IGSF11: variants seen among roughly 807,000 people sequenced by gnomAD.
The protein encoded by IGSF11 is CXADR like 1.
IGSF11 carries 22 observed loss-of-function variants against 41.0 expected under a neutral mutation model. The ratio of observed to expected loss-of-function variants is 0.54; its 90% CI spans 0.38 to 0.77. The LOEUF is 0.77. Ranked by LOEUF, IGSF11 falls within the 30% of genes least tolerant of loss-of-function variation. IGSF11 has a pLI of 0.00. For synonymous variants in IGSF11, 219 were observed against 201.3 expected (o/e 1.09, Z -0.74); for missense variants, 444 against 530.8 (o/e 0.84, Z 1.61).
chr3:118,902,820 T>C lies in IGSF11; in HGVS notation c.996A>G (p.Thr332=). Residue 332 remains threonine (T), a synonymous_variant, in exon 7 of 7, where the codon ACA becomes ACG. Coordinates refer to ENST00000393775, the MANE Select transcript of IGSF11 (RefSeq NM_001015887.3). ...WSNNPKVHRN[T]ESVSHFSDLG... The stretch of plus-strand genomic sequence containing the variant: ...AGTCACTGAAGTGGCTGACTGACTC[T>C]GTGTTTCTATGAACTTTTGGATTGT... The C allele has an allele frequency of 6.2e-7, 1 of 1,614,190 alleles. No individual in the cohort carries two copies. Among genetic ancestry groups the C allele is most frequent in the Non-Finnish European group, 8.5e-7 (1 of 1,180,010 alleles).
At chr3:119,013,448 G>T (rs1559791754) in intron 1 of IGSF11, among the ~76,000 whole-genome samples, 1 of 152,054 alleles carries the variant, frequency 6.6e-6, no homozygotes, top group Non-Finnish European at 1.5e-5. Context: ...TCCCTTTTTG[G>T]TCTCCTCAAC....
intron 1 of IGSF11, among the ~76,000 whole-genome samples, chr3:118,965,456 G>C (rs1368501287): frequency 6.6e-6 from 1 of 151,784 alleles, no homozygotes; most frequent in Non-Finnish European, 1.5e-5. Flanking sequence ...TCTCTCTCCT[G>C]ATTTGTTTTG....
chr3:119,116,564 G>C (rs969517177), intron 1 of IGSF11, among the ~76,000 whole-genome samples: 1 of 151,996 alleles, frequency 6.6e-6, no homozygotes, highest in Non-Finnish European at 1.5e-5. Context: ...CTGGCATATT[G>C]GGCCATGCTA....
intron 1 of IGSF11, among the ~76,000 whole-genome samples, chr3:119,065,246 C>A (rs1942186711): frequency 6.6e-6 from 1 of 152,210 alleles, no homozygotes; most frequent in Non-Finnish European, 1.5e-5. Context: ...AATACCTTCT[C>A]TGTATCTGCT....
chr3:119,092,012 G>GT (rs954457413), intron 1 of IGSF11, among the ~76,000 whole-genome samples: 2 of 148,628 alleles, frequency 1.3e-5, no homozygotes, highest in African/African-American at 5.0e-5. Context: ...GGGGTTGGTG[G>GT]TTTTTTCTTT....
Position 119,093,929 on chromosome 3 carries a change from C to T in IGSF11, c.49+11215G>A, listed in dbSNP as rs1314713846. ...GTATTTACACATCTCAGCTAATCAA[C>T]ATGAGCACTTCTAAGGGAGAAATCC... On this transcript the variant is annotated intron_variant, in intron 1 of 6. Coordinates refer to the IGSF11 transcript ENST00000354673. 3.9e-5 allele frequency among the ~76,000 whole-genome samples: 6 copies of T among 152,176 alleles called. No individual in the cohort carries two copies. The East Asian group carries it at 1.2e-3, about 29-fold the overall frequency.
At chr3:119,031,783 C>CA (rs1471621344) in intron 1 of IGSF11, among the ~76,000 whole-genome samples, 2 of 152,320 alleles carry the variant, frequency 1.3e-5, no homozygotes, top group African/African-American at 4.8e-5. Flanking sequence ...CCTTCTAAAA[C>CA]AATTACAGTA....
intron 1 of IGSF11, among the ~76,000 whole-genome samples, chr3:118,967,026 A>G (rs1157613626): frequency 6.6e-6 from 1 of 152,162 alleles, no homozygotes; most frequent in African/African-American, 2.4e-5. Context: ...AAAAAGATAC[A>G]CCTTCCAAAG....
chr3:118,989,841 T>C (rs1007393850), intron 1 of IGSF11, among the ~76,000 whole-genome samples: 7 of 152,220 alleles, frequency 4.6e-5, no homozygotes, highest in African/African-American at 1.7e-4. Flanking sequence ...CTATTTTCTA[T>C]ACTATACTAT....
chr3:118,957,407 ATTTC>A (rs1371240470), intron 1 of IGSF11, among the ~76,000 whole-genome samples: 2 of 152,186 alleles, frequency 1.3e-5, no homozygotes, highest in Non-Finnish European at 2.9e-5. Flanking sequence ...TATTAATTCA[ATTTC>A]TTTAACAGAC....
chr3:119,118,260 G>GGA (rs2077285949), intron 1 of IGSF11, among the ~76,000 whole-genome samples: 1 of 152,192 alleles, frequency 6.6e-6, no homozygotes, highest in African/African-American at 2.4e-5. Flanking sequence ...GCAGCAAACT[G>GGA]CTTCCTGGAC....
chr3:118,965,498 G>A (rs1945606340), intron 1 of IGSF11, among the ~76,000 whole-genome samples: 1 of 150,962 alleles, frequency 6.6e-6, no homozygotes, highest in African/African-American at 2.4e-5. Flanking sequence ...ATGAATCAAT[G>A]TTAGTAAACA....
At chr3:119,055,088 CA>C (rs1941774390) in intron 1 of IGSF11, among the ~76,000 whole-genome samples, 1 of 152,168 alleles carries the variant, frequency 6.6e-6, no homozygotes, top group African/African-American at 2.4e-5. Flanking sequence ...GGACCTCCAG[CA>C]AAATCCAACA....
At chr3:119,030,062 G>A (rs928265289) in intron 1 of IGSF11, among the ~76,000 whole-genome samples, 4 of 152,034 alleles carry the variant, frequency 2.6e-5, no homozygotes, top group African/African-American at 9.7e-5. Flanking sequence ...TTCTGAACTC[G>A]GTCCTTCTAG....
At chr3:118,940,282 C>G (rs1393808315) in intron 1 of IGSF11, among the ~76,000 whole-genome samples, 1 of 152,082 alleles carries the variant, frequency 6.6e-6, no homozygotes, top group East Asian at 1.9e-4. Context: ...ATTAAAAATT[C>G]TTACAAGTCT....
At chr3:119,059,710 C>T (rs1576747756) in intron 1 of IGSF11, among the ~76,000 whole-genome samples, 1 of 151,734 alleles carries the variant, frequency 6.6e-6, no homozygotes, top group Non-Finnish European at 1.5e-5. Context: ...AGACCTTCTT[C>T]GAATGTTCAG....
intron 1 of IGSF11, among the ~76,000 whole-genome samples, chr3:119,023,791 T>C (rs1939552685): frequency 6.6e-6 from 1 of 152,168 alleles, no homozygotes; most frequent in African/African-American, 2.4e-5. Context: ...CCCCACTATG[T>C]CAAGAGAATC....
chr3:119,038,692 A>G (rs946965485), upstream of IGSF11, among the ~76,000 whole-genome samples: 5 of 152,178 alleles, frequency 3.3e-5, no homozygotes, highest in African/African-American at 1.2e-4. Context: ...TCATTTTTAT[A>G]AGGAATATAA....
At chr3:118,948,622 G>A (rs912579348) in intron 1 of IGSF11, among the ~76,000 whole-genome samples, 1 of 152,046 alleles carries the variant, frequency 6.6e-6, no homozygotes, top group Non-Finnish European at 1.5e-5. Flanking sequence ...TGGCTCAAAC[G>A]CAGGGAATTT....
Sources: gnomAD v4.1 joint callset for allele counts (sites outside exome capture counted in the v4.1 genomes callset) on GRCh38, gnomAD v4.1.1 for gene constraint, MANE v1.5 for transcripts, NCBI Gene and HGNC (gene_info 2026-07-23, HGNC 2026-07-21) for gene names.